The following DMBT1 variants were observed in gnomAD, a reference collection of about 807,000 sequenced individuals.
DMBT1 encodes the protein scavenger receptor cysteine-rich domain-containing protein DMBT1.
Under a neutral mutation model 252.9 loss-of-function variants are expected in DMBT1, and 198 were observed. That is an observed-to-expected ratio of 0.78 (90% CI 0.70 to 0.88). The LOEUF (loss-of-function observed/expected upper bound fraction) is 0.88. Among genes scored for constraint, DMBT1 ranks in the 40% least tolerant of loss-of-function variants. The pLI is 0.00. For synonymous variants in DMBT1, 990 were observed against 942.7 expected (o/e 1.05, Z -0.92); for missense variants, 2,432 against 2,404.7 (o/e 1.01, Z -0.24).
intron 52 of DMBT1, among the ~76,000 whole-genome samples, chr10:122,634,348 C>CTTTCTTTCTTTCTTTCTTTCTTTCTT (rs1555029793): frequency 2.5e-5 from 2 of 80,426 alleles, no homozygotes; most frequent in African/African-American, 5.4e-5. Context: ...ACTTTTCTTT[C>CTTTCTTTCTTTCTTTCTTTCTTTCTT]TTTCTTTCTT....
In DMBT1 at chr10:122,579,888, T is replaced by C. The variant is rs754424326; in HGVS notation, c.990T>C (p.Gly330=). The change falls in exon 10 of 56, where the codon GGT becomes GGC. Residue 330 remains glycine (G), a synonymous_variant. Coordinates refer to ENST00000338354, the MANE Select transcript of DMBT1 (RefSeq NM_001377530.1). ...ACTGTGGCCATAGTGAAGACGCTGG[T>C]GTCATCTGCTCAGGTGGGCCTTCAA... ...THNCGHSEDA[G]VICSAPQSRP... is the part of the protein sequence containing the mutation. The C allele has an allele frequency of 6.2e-7, 1 of 1,613,858 alleles. No individual in the cohort carries two copies. The highest frequency in any genetic ancestry group is 8.5e-7 in the Non-Finnish European group (1 of 1,179,768).
intron 16 of DMBT1, 46 bp downstream of exon 16, chr10:122,586,429 C>G (rs913120305): frequency 3.8e-6 from 6 of 1,581,706 alleles, no homozygotes; most frequent in Non-Finnish European, 5.2e-6. Flanking sequence ...GTAGATTTTG[C>G]TCAGGAAGGT....
intron 18 of DMBT1, among the ~76,000 whole-genome samples, chr10:122,590,953 A>C (rs2097844983): frequency 6.7e-6 from 1 of 148,434 alleles, no homozygotes; most frequent in Non-Finnish European, 1.5e-5. Context: ...ATGCCTGTCC[A>C]TGGGCAAGAA....
At chr10:122,637,012 C>A in intron 53 of DMBT1, 116 bp from the exon 54 acceptor site, 2 of 945,380 alleles carry the variant, frequency 2.1e-6, no homozygotes, top group Non-Finnish European at 3.2e-6. Flanking sequence ...AAGTGCTGAC[C>A]CTCCCTGTCA....
chr10:122,588,414 G>A lies in DMBT1; in HGVS notation c.1784-530G>A, dbSNP rs2133576137. Reference sequence around the variant, plus strand: ...GGAAATAATAAAGAAAAAAAAAAAAGATCCTCATCCAGGTGCTGAGGACAA... The same window carrying A: ...GGAAATAATAAAGAAAAAAAAAAAAAATCCTCATCCAGGTGCTGAGGACAA... On this transcript the variant is annotated intron_variant, in intron 16 of 55. Transcript: ENST00000338354. Among the ~76,000 whole-genome samples, 2 of 147,640 alleles carry A rather than the reference G, an allele frequency of 1.4e-5. 1 individual carries two copies. The highest frequency in any genetic ancestry group is 4.3e-4 in the East Asian group (2 of 4,684).
Position 122,643,308 on chromosome 10 carries a change from G to T in DMBT1, c.7539G>T (p.Arg2513Ser), listed in dbSNP as rs1393828128. 1 of 1,613,958 alleles carries T rather than the reference G, an allele frequency of 6.2e-7. No homozygotes were observed. Among genetic ancestry groups the T allele is most frequent in the East Asian group, 2.2e-5 (1 of 44,860 alleles). Residue 2513 changes from arginine to serine, a missense_variant, in exon 56 of 56, where the codon AGG becomes AGT. Physicochemically the swap from Arg to Ser is moderately radical, Grantham distance 110. Around this residue, in one of 3 missense-constraint regions of DMBT1, gnomAD observed 1,162 missense variants for 1,169.0 expected, o/e 0.99. Coordinates refer to ENST00000338354, the MANE Select transcript of DMBT1 (RefSeq NM_001377530.1). ...CYRGCVLRSK[R>S]DVGSYQEKVD... ...GAGGCTGTGTGTTGAGGTCGAAGAGGGATGTGGGCTCCTACCAGGAAAAGG... is the reference window on the plus strand; with the variant it reads ...GAGGCTGTGTGTTGAGGTCGAAGAGTGATGTGGGCTCCTACCAGGAAAAGG...
Position 122,617,058 on chromosome 10 carries a change from T to C in DMBT1, c.4859-170T>C, listed in dbSNP as rs572561817. ...GTCTGGTCTCCAGCAGGACCTTTGT[T>C]CATGGATGAGTTCACAGCAGAGGAG... On this transcript the variant is annotated intron_variant, in intron 39 of 55. Transcript: ENST00000338354. Among the ~76,000 whole-genome samples, 469 of 146,648 alleles carry C rather than the reference T, an allele frequency of 3.2e-3. 10 individuals are homozygous for C. The highest frequency in any genetic ancestry group is 0.011 in the African/African-American group (427 of 38,604).
rs747165252 is a variant in DMBT1 at position 122,576,432 on chromosome 10, A to G, written c.317A>G (p.Asn106Ser). 13 of 1,613,870 alleles carry G rather than the reference A, an allele frequency of 8.1e-6. No individual in the cohort carries two copies. The highest frequency in any genetic ancestry group is 1.7e-5 in the Admixed American group (1 of 60,012). Residue 106 changes from asparagine (N) to serine (S), a missense_variant, in exon 7 of 56, where the codon AAT becomes AGT. This residue lies in a region of DMBT1 where 1,264 missense variants were observed against 1,082.2 expected (regional missense o/e 1.17). Coordinates refer to ENST00000338354, the MANE Select transcript of DMBT1 (RefSeq NM_001377530.1). Reference sequence around the variant, plus strand: ...TCTGGTTTGGCCCTGAGGCTGGTGAATGGAGATGGCAGGTGTCAGGGCCGA... The same window carrying G: ...TCTGGTTTGGCCCTGAGGCTGGTGAGTGGAGATGGCAGGTGTCAGGGCCGA... ...SDSGLALRLV[N>S]GDGRCQGRVE... is the part of the protein sequence containing the mutation.
chr10:122,562,406 G>C (rs1262809936), intron 1 of DMBT1, among the ~76,000 whole-genome samples: 1 of 152,150 alleles, frequency 6.6e-6, no homozygotes, highest in Non-Finnish European at 1.5e-5. Flanking sequence ...AGGTGGTAGG[G>C]AGCAGGCCCA....
chr10:122,599,881 G>A (rs537770058), intron 26 of DMBT1, among the ~76,000 whole-genome samples, 183 bp from the exon 27 acceptor site: 1 of 152,264 alleles, frequency 6.6e-6, no homozygotes, highest in African/African-American at 2.4e-5. Flanking sequence ...ATAGTGGACA[G>A]GATCTGCCTC....
At chr10:122,638,293 ATTCACACCCATTCACACTCG>A (rs1566039907) in intron 54 of DMBT1, among the ~76,000 whole-genome samples, 1 of 137,486 alleles carries the variant, frequency 7.3e-6, no homozygotes, top group East Asian at 2.0e-4. Flanking sequence ...CTTCACACCC[ATTCACACCCATTCACACTCG>A]TTCACACCCA....
intron 47 of DMBT1, 122 bp from the exon 48 acceptor site, chr10:122,630,166 T>A (rs1591545356): frequency 7.4e-7 from 1 of 1,348,908 alleles, no homozygotes; most frequent in African/African-American, 1.4e-5. Context: ...TTTGACTTAA[T>A]TGAGGAAGAG....
At chr10:122,577,915 C>A in intron 8 of DMBT1, 75 bp downstream of exon 8, 1 of 1,501,950 alleles carries the variant, frequency 6.7e-7, no homozygotes, top group Non-Finnish European at 9.2e-7. Flanking sequence ...TCCACAGAGC[C>A]CTCCTGCTTC....
At chr10:122,628,500 G>T (rs1033125022) in intron 46 of DMBT1, among the ~76,000 whole-genome samples, 1 of 152,218 alleles carries the variant, frequency 6.6e-6, no homozygotes, top group African/African-American at 2.4e-5. Context: ...GCTGGGCATA[G>T]TGGTGGGCGG....
intron 2 of DMBT1, among the ~76,000 whole-genome samples, chr10:122,568,471 T>C (rs1279028651): frequency 6.6e-6 from 1 of 152,086 alleles, no homozygotes; most frequent in Non-Finnish European, 1.5e-5. Flanking sequence ...CTTAAGATCC[T>C]GCTGGGAGAA....
At chr10:122,632,095 C>T (rs532219534) in intron 50 of DMBT1, among the ~76,000 whole-genome samples, 1 of 152,186 alleles carries the variant, frequency 6.6e-6, no homozygotes, top group Admixed American at 6.5e-5. Context: ...CAGTCAGTCC[C>T]GAGGTGAGGC....
chr10:122,571,086 A>G (rs927825493), intron 4 of DMBT1, 149 bp downstream of exon 4: 1 of 968,814 alleles, frequency 1.0e-6, no homozygotes, highest in African/African-American at 1.6e-5. Context: ...TGCTCTGTGT[A>G]TGTGCAACTC....
rs1391524507 is a variant in DMBT1, at chr10:122,640,013, C to T, written c.6943-27C>T. 1.3e-5 allele frequency: 21 copies of T among 1,598,826 alleles called. No individual in the cohort carries two copies. The East Asian group carries it at 4.7e-4, about 36-fold the overall frequency. On this transcript the variant is annotated intron_variant, in intron 54 of 55. Coordinates refer to ENST00000338354, the MANE Select transcript of DMBT1 (RefSeq NM_001377530.1). ...CCCTTAGCAGGTGACATGTGCCTGA[C>T]TCTGCTCTCTTGCCTGCCTCTCCTA...
rs1470976444 is a variant in DMBT1, at chr10:122,585,738, G to T, written c.1460-322G>T. Among the ~76,000 whole-genome samples the T allele has an allele frequency of 5.4e-5, 8 of 148,586 alleles. 2 individuals carry two copies. Among genetic ancestry groups the T allele is most frequent in the Admixed American group, 4.7e-4 (7 of 14,954 alleles). On this transcript the variant is annotated intron_variant, in intron 15 of 55. Transcript: ENST00000338354. The stretch of plus-strand genomic sequence containing the variant: ...GACAGGACCATAGGATTGCCACCAA[G>T]CTCCTGAGATGGGGAGAGTCTGGCC...
Sources: allele counts gnomAD v4.1 joint callset (sites outside exome capture counted in the v4.1 genomes callset), GRCh38; gene constraint gnomAD v4.1.1; regional missense constraint gnomAD v4.1.1; transcripts MANE v1.5; gene names NCBI Gene and HGNC (gene_info 2026-07-23, HGNC 2026-07-21).